Variants in BBS9 observed in about 807,000 individuals in gnomAD.
BBS9 encodes protein PTHB1.
Under a neutral mutation model 117.7 loss-of-function variants are expected in BBS9, and 89 were observed. The observed-to-expected ratio is 0.76, with a 90% CI of 0.64 to 0.90. BBS9 has a LOEUF of 0.90. Among genes scored for constraint, BBS9 ranks in the 40% least tolerant of loss-of-function variants. BBS9 has a pLI of 0.00. For synonymous variants in BBS9, 379 were observed against 370.9 expected (o/e 1.02, Z -0.25); for missense variants, 982 against 1,042.2 (o/e 0.94, Z 0.80).
In BBS9 at chr7:33,284,164, G is replaced by A. The variant is rs569551077; in HGVS notation, c.1016+10208G>A. Among the ~76,000 whole-genome samples, 7 of 152,264 alleles carry A rather than the reference G, an allele frequency of 4.6e-5. No homozygotes were observed. The South Asian group carries it at 1.5e-3, about 32-fold the overall frequency. ...TGACTCTCTCTTCCGCTTGAAGTCT[G>A]CAGAGTTGGTGCCAGCTCTTGGCAT... On this transcript the variant is annotated intron_variant, in intron 9 of 22. Coordinates refer to ENST00000242067, the MANE Select transcript of BBS9 (RefSeq NM_198428.3).
chr7:33,220,110 AT>A (rs1387447809), intron 5 of BBS9, among the ~76,000 whole-genome samples: 2 of 152,136 alleles, frequency 1.3e-5, no homozygotes, highest in African/African-American at 2.4e-5. Flanking sequence ...GAACCCACCA[AT>A]TCCGGACACA....
At chr7:33,404,284 T>A (rs1045279947) in intron 19 of BBS9, among the ~76,000 whole-genome samples, 2 of 152,156 alleles carry the variant, frequency 1.3e-5, no homozygotes, top group Non-Finnish European at 2.9e-5. Context: ...GCATGATGCC[T>A]CCAGCTTTGT....
At position 33,218,052 on chromosome 7, in the gene BBS9, A is replaced by G. The variant is rs1027132265; in HGVS notation, c.443-39184A>G. ...AGTAGGTTTAAAAATAATTGTACTT[A>G]ATATAGAGCCAACCTCCCTAAAAAA... On this transcript the variant is annotated intron_variant, in intron 5 of 22. Transcript: ENST00000242067. Among the ~76,000 whole-genome samples, 3 of 151,346 alleles carry G rather than the reference A, an allele frequency of 2.0e-5. 1 individual carries two copies. Among genetic ancestry groups the G allele is most frequent in the Admixed American group, 1.3e-4 (2 of 15,240 alleles).
chr7:33,602,680 G>A (rs1463824661), intron 21 of BBS9, among the ~76,000 whole-genome samples: 2 of 152,156 alleles, frequency 1.3e-5, no homozygotes, highest in Non-Finnish European at 2.9e-5. Flanking sequence ...GGTGAGCCGA[G>A]TTCACGCCAT....
intron 20 of BBS9, among the ~76,000 whole-genome samples, chr7:33,520,533 C>T (rs1207066255): frequency 6.6e-6 from 1 of 152,128 alleles, no homozygotes; most frequent in African/African-American, 2.4e-5. Flanking sequence ...AACTGAGATA[C>T]AGAGAACTAA....
intron 7 of BBS9, among the ~76,000 whole-genome samples, chr7:33,272,208 G>A (rs1799915639): frequency 6.6e-6 from 1 of 152,128 alleles, no homozygotes; most frequent in Admixed American, 6.6e-5. Context: ...GAGGTTGAAA[G>A]GTGGGAGGAG....
chr7:33,627,145 C>G (rs906720858), intron 21 of BBS9, among the ~76,000 whole-genome samples: 2 of 152,202 alleles, frequency 1.3e-5, no homozygotes, highest in African/African-American at 4.8e-5. Flanking sequence ...TGCACAACCT[C>G]AGGACACTGC....
intron 4 of BBS9, 92 bp from the exon 5 acceptor site, chr7:33,177,386 A>T: frequency 2.3e-6 from 2 of 866,918 alleles, no homozygotes; most frequent in Admixed American, 3.7e-5. Flanking sequence ...TAATTTCCCT[A>T]AAATTACTTA....
intron 3 of BBS9, among the ~76,000 whole-genome samples, chr7:33,154,910 C>T (rs935604558): frequency 2.0e-5 from 3 of 152,214 alleles, no homozygotes; most frequent in Non-Finnish European, 4.4e-5. Context: ...GTAATAGCCA[C>T]CTCCTTTAGT....
At chr7:33,398,968 G>A (rs981891084) in intron 19 of BBS9, among the ~76,000 whole-genome samples, 4 of 152,132 alleles carry the variant, frequency 2.6e-5, no homozygotes, top group Non-Finnish European at 5.9e-5. Context: ...GTGAGCCACT[G>A]TGCTCAGCCC....
chr7:33,323,833 C>CTTTTTTTT (rs1227126451), intron 9 of BBS9, among the ~76,000 whole-genome samples: 10 of 105,166 alleles, frequency 9.5e-5, no homozygotes, highest in East Asian at 2.3e-4. Flanking sequence ...TCCTGTCTTC[C>CTTTTTTTT]TTTTTTTTTT....
chr7:33,597,438 A>G (rs1307656994), intron 21 of BBS9, among the ~76,000 whole-genome samples: 3 of 145,308 alleles, frequency 2.1e-5, no homozygotes, highest in Non-Finnish European at 4.4e-5. Context: ...TCCTTGCCTG[A>G]TTCCTCTTAA....
rs61694072 is a variant in BBS9 at position 33,613,852 on chromosome 7, C to T, written c.2522-21325C>T. On this transcript the variant is annotated intron_variant, in intron 21 of 21. Coordinates refer to the BBS9 transcript ENST00000671952. ...ACAGAGAAAGACATATCATGAATAA[C>T]ACCAAGGCTTGGACTTCTACCATTA... Among the ~76,000 whole-genome samples the T allele has an allele frequency of 7.6e-4, 116 of 152,142 alleles. 1 individual carries two copies. Among genetic ancestry groups the T allele is most frequent in the Middle Eastern group, 3.4e-3 (1 of 294 alleles).
At chr7:33,245,022 G>T (rs959134928) in intron 5 of BBS9, among the ~76,000 whole-genome samples, 1 of 152,096 alleles carries the variant, frequency 6.6e-6, no homozygotes, top group African/African-American at 2.4e-5. Context: ...AAAAGAAAAA[G>T]ACTTTGTACC....
chr7:33,602,503 C>T (rs758919345), intron 21 of BBS9, among the ~76,000 whole-genome samples: 28 of 152,040 alleles, frequency 1.8e-4, no homozygotes, highest in Non-Finnish European at 2.6e-4. Context: ...CTGAGGCAAG[C>T]GGATCATCTG....
At chr7:33,137,314 G>A (rs1584078556) in intron 1 of BBS9, among the ~76,000 whole-genome samples, 1 of 152,246 alleles carries the variant, frequency 6.6e-6, no homozygotes, top group South Asian at 2.1e-4. Context: ...CAGGGGCAGG[G>A]GTGCTTCCCG....
chr7:33,178,232 A>G (rs1797611907), intron 5 of BBS9, among the ~76,000 whole-genome samples: 1 of 152,216 alleles, frequency 6.6e-6, no homozygotes, highest in African/African-American at 2.4e-5. Context: ...TCATCGAGCC[A>G]TGCTTTCTGG....
intron 9 of BBS9, among the ~76,000 whole-genome samples, chr7:33,300,842 T>C (rs1450884405): frequency 6.6e-6 from 1 of 152,170 alleles, no homozygotes; most frequent in Admixed American, 6.5e-5. Flanking sequence ...CTGTTTCTTT[T>C]TGTATGGGTC....
intron 19 of BBS9, among the ~76,000 whole-genome samples, chr7:33,468,891 T>C (rs1840565401): frequency 6.6e-6 from 1 of 152,190 alleles, no homozygotes; most frequent in Non-Finnish European, 1.5e-5. Flanking sequence ...TCATATTTTC[T>C]TTATCCATTC....
Sources: gnomAD v4.1 joint callset for allele counts (sites outside exome capture counted in the v4.1 genomes callset) on GRCh38, gnomAD v4.1.1 for gene constraint, MANE v1.5 for transcripts, NCBI Gene and HGNC (gene_info 2026-07-23, HGNC 2026-07-21) for gene names.